The following PLPPR5 variants were observed in gnomAD, a reference collection of about 807,000 sequenced individuals.
The protein encoded by PLPPR5 is phospholipid phosphatase-related protein type 5.
PLPPR5 carries 16 observed loss-of-function variants against 33.9 expected under a neutral mutation model. The ratio of observed to expected loss-of-function variants is 0.47; its 90% CI spans 0.32 to 0.72. The LOEUF (loss-of-function observed/expected upper bound fraction) is 0.72. PLPPR5 is among the 30% of genes least tolerant of loss of function. The pLI, the probability that PLPPR5 is intolerant of heterozygous loss-of-function variation, is 0.03. For missense variants in PLPPR5, 301 were observed against 406.7 expected (o/e 0.74, Z 2.23); for synonymous variants, 163 against 150.3 (o/e 1.08, Z -0.62).
intron 4 of PLPPR5, among the ~76,000 whole-genome samples, chr1:98,916,856 A>C (rs1649373858): frequency 6.6e-6 from 1 of 152,200 alleles, no homozygotes; most frequent in Non-Finnish European, 1.5e-5. Context: ...GATGTGGAAC[A>C]GAGGTCTTGT....
chr1:98,904,873 T>C (rs1316267444), intron 5 of PLPPR5, among the ~76,000 whole-genome samples: 1 of 152,202 alleles, frequency 6.6e-6, no homozygotes, highest in African/African-American at 2.4e-5. Context: ...AGGGATGGTT[T>C]TCTTAGTGAC....
At chr1:98,937,539 C>T (rs951414262) in intron 3 of PLPPR5, among the ~76,000 whole-genome samples, 1 of 152,094 alleles carries the variant, frequency 6.6e-6, no homozygotes, top group Non-Finnish European at 1.5e-5. Flanking sequence ...CTGGAGCTGC[C>T]TCACTGTGTG....
chr1:98,983,194 G>A (rs1289695747), intron 1 of PLPPR5, among the ~76,000 whole-genome samples: 4 of 148,606 alleles, frequency 2.7e-5, no homozygotes, highest in Non-Finnish European at 5.9e-5. Flanking sequence ...CCACTAACTC[G>A]TCATCTAGCA....
chr1:98,931,383 A>G (rs1204913157), intron 3 of PLPPR5, among the ~76,000 whole-genome samples: 2 of 152,150 alleles, frequency 1.3e-5, no homozygotes, highest in Non-Finnish European at 2.9e-5. Context: ...AAACAATTCC[A>G]TGACATTGGT....
chr1:98,928,548 C>CATATATATATATATATAT (rs60624111), intron 3 of PLPPR5, among the ~76,000 whole-genome samples: 916 of 73,706 alleles, frequency 0.012, 92 homozygotes, highest in East Asian at 0.023. Context: ...AGTTTTAAAT[C>CATATATATATATATATAT]ATATATATAT....
At chr1:98,991,703 GAA>G (rs1209567971) in intron 1 of PLPPR5, among the ~76,000 whole-genome samples, 1 of 152,180 alleles carries the variant, frequency 6.6e-6, no homozygotes, top group Non-Finnish European at 1.5e-5. Context: ...AGGAGATTCA[GAA>G]AGACAGACTT....
At chr1:98,942,475 T>G (rs1650411303) in intron 3 of PLPPR5, among the ~76,000 whole-genome samples, 1 of 152,224 alleles carries the variant, frequency 6.6e-6, no homozygotes, top group Non-Finnish European at 1.5e-5. Context: ...AGATCCTGTC[T>G]GCATTAGAAC....
At chr1:98,938,545 T>C (rs1404126290) in intron 3 of PLPPR5, among the ~76,000 whole-genome samples, 1 of 148,302 alleles carries the variant, frequency 6.7e-6, no homozygotes, top group Non-Finnish European at 1.5e-5. Context: ...TATATAAATA[T>C]AAATATATTT....
At position 98,946,063 on chromosome 1, in the gene PLPPR5, G is replaced by C. The variant is rs147412789; in HGVS notation, c.621+7007C>G. Reference sequence around the variant, plus strand: ...CTGGTCTTGGTCACATCAGTATAAGGGCTCTCAATCTTAAGGAAACCAGCT... The same window carrying C: ...CTGGTCTTGGTCACATCAGTATAAGCGCTCTCAATCTTAAGGAAACCAGCT... On this transcript the variant is annotated intron_variant, in intron 3 of 5. Transcript: ENST00000263177. Among the ~76,000 whole-genome samples the C allele has an allele frequency of 2.4e-3, 371 of 152,154 alleles. 2 individuals are homozygous for C. The highest frequency in any genetic ancestry group is 8.5e-3 in the African/African-American group (354 of 41,530).
At chr1:99,002,370 C>T (rs1652880318) in intron 1 of PLPPR5, among the ~76,000 whole-genome samples, 1 of 152,210 alleles carries the variant, frequency 6.6e-6, no homozygotes, top group South Asian at 2.1e-4. Flanking sequence ...CAGCCAGCTT[C>T]CACCTTCTTT....
chr1:98,942,044 G>A (rs544884361), intron 3 of PLPPR5, among the ~76,000 whole-genome samples: 7 of 143,076 alleles, frequency 4.9e-5, no homozygotes, highest in South Asian at 2.3e-4. Flanking sequence ...ACACATATAC[G>A]TATATATGAG....
At chr1:98,971,510 C>A (rs184168527) in intron 1 of PLPPR5, among the ~76,000 whole-genome samples, 3 of 151,940 alleles carry the variant, frequency 2.0e-5, no homozygotes, top group Non-Finnish European at 4.4e-5. Flanking sequence ...TTTTTTTGAA[C>A]TCTGAGATAG....
At chr1:98,912,034 G>C (rs1000591437) in intron 5 of PLPPR5, among the ~76,000 whole-genome samples, 7 of 152,118 alleles carry the variant, frequency 4.6e-5, no homozygotes, top group African/African-American at 1.7e-4. Flanking sequence ...CTCCCAAAGC[G>C]CTGGGATTAC....
intron 2 of PLPPR5, among the ~76,000 whole-genome samples, chr1:98,954,399 ATAGT>A (rs1557682182): frequency 6.6e-6 from 1 of 152,106 alleles, no homozygotes; most frequent in East Asian, 1.9e-4. Flanking sequence ...TTAGGTTACA[ATAGT>A]TAGATGTTTT....
intron 3 of PLPPR5, among the ~76,000 whole-genome samples, chr1:98,947,954 C>T (rs72730349): frequency 0.035 from 5,379 of 152,262 alleles, 141 homozygotes; most frequent in Middle Eastern, 0.092. Flanking sequence ...CATTACATTA[C>T]GCCTAAGCAG....
intron 1 of PLPPR5, among the ~76,000 whole-genome samples, chr1:98,975,107 T>C (rs1255453024): frequency 6.6e-6 from 1 of 152,030 alleles, no homozygotes; most frequent in East Asian, 1.9e-4. Context: ...CTTTCAGAGA[T>C]CATGTTCTGT....
At chr1:98,960,328 C>T (rs2101226552) in intron 1 of PLPPR5, among the ~76,000 whole-genome samples, 1 of 152,116 alleles carries the variant, frequency 6.6e-6, no homozygotes, top group East Asian at 1.9e-4. Flanking sequence ...CTCAGCCTCC[C>T]AAGTAGGTGG....
At chr1:98,944,252 C>T (rs1650476016) in intron 3 of PLPPR5, among the ~76,000 whole-genome samples, 1 of 152,140 alleles carries the variant, frequency 6.6e-6, no homozygotes, top group Non-Finnish European at 1.5e-5. Context: ...CATCTCGTAC[C>T]CCTACCACAA....
At position 99,000,319 on chromosome 1, in the gene PLPPR5, A is replaced by ATTAAT. The variant is rs1354689538; in HGVS notation, c.237+4115_237+4116insATTAA. Among the ~76,000 whole-genome samples, 3 of 152,226 alleles carry ATTAAT rather than the reference A, an allele frequency of 2.0e-5. No homozygotes were observed. The East Asian group carries it at 5.8e-4, about 29-fold the overall frequency. On this transcript the variant is annotated intron_variant, in intron 1 of 5. Coordinates refer to ENST00000263177, the MANE Select transcript of PLPPR5 (RefSeq NM_001037317.2). ...GAAGAGTTTGAAATTATGTACTTTG[A>ATTAAT]TAACATTAGAGTACTATACACTGCT...
Sources: gnomAD v4.1 joint callset for allele counts (sites outside exome capture counted in the v4.1 genomes callset) on GRCh38, gnomAD v4.1.1 for gene constraint, MANE v1.5 for transcripts, NCBI Gene and HGNC (gene_info 2026-07-23, HGNC 2026-07-21) for gene names.